ZFHX3: variants seen among roughly 807,000 people sequenced by gnomAD.
ZFHX3 encodes the protein zinc finger homeobox 3.
ZFHX3 carries 42 observed loss-of-function variants against 279.1 expected under a neutral mutation model. The observed-to-expected ratio is 0.15, with a 90% CI of 0.12 to 0.19. The LOEUF is 0.19. Ranked by LOEUF, ZFHX3 falls within the 10% of genes least tolerant of loss-of-function variation. ZFHX3 has a pLI of 1.00. For missense variants in ZFHX3, 4,981 were observed against 4,754.0 expected (o/e 1.05, Z -1.40); for synonymous variants, 2,293 against 1,957.8 (o/e 1.17, Z -4.52).
At chr16:73,874,532 T>C (rs1597153731) in intron 1 of ZFHX3, among the ~76,000 whole-genome samples, 2 of 152,362 alleles carry the variant, frequency 1.3e-5, no homozygotes, top group South Asian at 2.1e-4. Flanking sequence ...CACTCACTGC[T>C]ACGGGCAGTT....
At chr16:73,306,603 G>A (rs749460148) in intron 4 of ZFHX3, among the ~76,000 whole-genome samples, 8 of 152,202 alleles carry the variant, frequency 5.3e-5, no homozygotes, top group Admixed American at 1.3e-4. Flanking sequence ...GATTGGAGGC[G>A]TGAGCCACTG....
intron 3 of ZFHX3, among the ~76,000 whole-genome samples, chr16:72,894,430 C>G (rs556201457): frequency 4.6e-5 from 7 of 152,170 alleles, no homozygotes; most frequent in Non-Finnish European, 1.0e-4. Context: ...AACCCGCGAC[C>G]CTGTTGGTCA....
At chr16:73,591,692 CAAAA>C (rs57402211) in intron 2 of ZFHX3, among the ~76,000 whole-genome samples, 6 of 33,438 alleles carry the variant, frequency 1.8e-4, no homozygotes, top group Admixed American at 5.8e-4. Context: ...GACTCTGTCT[CAAAA>C]AAAAAAAAAA....
chr16:73,169,568 GGAGGCAGAGGTTGCAGC>G (rs1354191744), intron 5 of ZFHX3, among the ~76,000 whole-genome samples: 14 of 152,008 alleles, frequency 9.2e-5, no homozygotes, highest in Non-Finnish European at 1.8e-4. Flanking sequence ...CTTGAACCTG[GGAGGCAGAGGTTGCAGC>G]GAGGCAGAGG....
chr16:73,402,882 C>T lies in ZFHX3; in HGVS notation c.-1291+53121G>A, dbSNP rs72799453. On this transcript the variant is annotated intron_variant, in intron 3 of 17. Transcript: ENST00000641206. ...GAGGGGAGGGCTTGGGGGTGGCTGT[C>T]GTACATATGGAAAATAAAAAAAAAA... Among the ~76,000 whole-genome samples the T allele has an allele frequency of 3.3e-5, 5 of 149,458 alleles. No individual in the cohort carries two copies. In the East Asian group the frequency reaches 9.7e-4, roughly 29 times the overall value.
At chr16:73,198,185 C>T (rs2144896089) in intron 5 of ZFHX3, among the ~76,000 whole-genome samples, 1 of 151,966 alleles carries the variant, frequency 6.6e-6, no homozygotes, top group East Asian at 1.9e-4. Context: ...GATCCGCCCG[C>T]CTCAGGCTCC....
intron 3 of ZFHX3, chr16:73,401,274 T>A (rs2017245407): frequency 6.6e-6 from 1 of 152,014 alleles, no homozygotes; most frequent in South Asian, 2.1e-4. Context: ...GCTTTGTCAT[T>A]TTTAATGCCC....
At chr16:73,268,432 C>T (rs1365749706) in intron 4 of ZFHX3, among the ~76,000 whole-genome samples, 2 of 152,118 alleles carry the variant, frequency 1.3e-5, no homozygotes, top group Admixed American at 1.3e-4. Context: ...CGTCCCAGAC[C>T]CTACCCACAG....
intron 4 of ZFHX3, among the ~76,000 whole-genome samples, chr16:73,298,765 G>C (rs2014986028): frequency 6.6e-6 from 1 of 152,142 alleles, no homozygotes. Context: ...GTAAGCAAAA[G>C]AGAAACTAAC....
At chr16:73,326,190 T>C (rs2015685221) in intron 3 of ZFHX3, among the ~76,000 whole-genome samples, 1 of 152,222 alleles carries the variant, frequency 6.6e-6, no homozygotes, top group African/African-American at 2.4e-5. Flanking sequence ...TGCTACTTTG[T>C]ATTTCCTAAC....
At chr16:73,002,561 A>C (rs1567627120) in intron 1 of ZFHX3, among the ~76,000 whole-genome samples, 1 of 152,192 alleles carries the variant, frequency 6.6e-6, no homozygotes, top group Non-Finnish European at 1.5e-5. Context: ...CAAGACAGCT[A>C]ACTTGGGCAA....
chr16:73,599,995 C>G (rs924949996), intron 2 of ZFHX3, among the ~76,000 whole-genome samples: 1 of 152,194 alleles, frequency 6.6e-6, no homozygotes, highest in African/African-American at 2.4e-5. Context: ...TCCCCACCCA[C>G]TTTTGGGGTA....
chr16:72,980,567 C>G (rs1399707724), intron 1 of ZFHX3, among the ~76,000 whole-genome samples: 2 of 150,688 alleles, frequency 1.3e-5, no homozygotes, highest in African/African-American at 4.9e-5. Flanking sequence ...GAGACCAGCC[C>G]GGGCAACAAG....
chr16:73,807,722 C>T (rs1297072766), intron 1 of ZFHX3, among the ~76,000 whole-genome samples: 2 of 147,610 alleles, frequency 1.4e-5, no homozygotes, highest in African/African-American at 5.0e-5. Context: ...CCACCCACAT[C>T]AGCCTCCCAA....
At chr16:73,265,925 C>T (rs560664596) in intron 4 of ZFHX3, among the ~76,000 whole-genome samples, 3 of 152,174 alleles carry the variant, frequency 2.0e-5, no homozygotes, top group Non-Finnish European at 2.9e-5. Context: ...AGCTACCAGG[C>T]GTGGGTGCCA....
chr16:73,784,810 T>TACACACAC (rs1329672942), intron 1 of ZFHX3, among the ~76,000 whole-genome samples: 24 of 137,776 alleles, frequency 1.7e-4, no homozygotes, highest in African/African-American at 6.3e-4. Flanking sequence ...TATATATATA[T>TACACACAC]ATATATACAC....
At position 73,775,153 on chromosome 16, in the gene ZFHX3, G is replaced by A. The variant is rs375034654; in HGVS notation, c.-1607-94913C>T. 6.2e-4 allele frequency among the ~76,000 whole-genome samples: 94 copies of A among 152,282 alleles called. No homozygotes were observed. In the East Asian group the frequency reaches 0.017, roughly 27 times the overall value. The stretch of plus-strand genomic sequence containing the variant: ...CAAGGTACTCCTATGGGAAAGCGCC[G>A]TTGAGAATATCCTTCTCAGGTTTAG... On this transcript the variant is annotated intron_variant, in intron 1 of 17. Coordinates refer to the ZFHX3 transcript ENST00000641206.
At chr16:73,579,665 C>T (rs1025633374) in intron 2 of ZFHX3, among the ~76,000 whole-genome samples, 1 of 149,760 alleles carries the variant, frequency 6.7e-6, no homozygotes, top group South Asian at 2.1e-4. Flanking sequence ...CCATGCCTGG[C>T]TAATTTTTTT....
At chr16:73,593,578 AGGAG>A (rs896734343) in intron 2 of ZFHX3, among the ~76,000 whole-genome samples, 309 of 130,606 alleles carry the variant, frequency 2.4e-3, no homozygotes, top group Middle Eastern at 7.6e-3. Flanking sequence ...GAAGAAAAGA[AGGAG>A]GGAGGGAGGG....
Sources: allele counts gnomAD v4.1 joint callset (sites outside exome capture counted in the v4.1 genomes callset), GRCh38; gene constraint gnomAD v4.1.1; transcripts MANE v1.5; gene names NCBI Gene and HGNC (gene_info 2026-07-23, HGNC 2026-07-21).